The following ARHGAP15 variants were observed in gnomAD, a reference collection of about 807,000 sequenced individuals.
ARHGAP15 encodes rho GTPase-activating protein 15.
ARHGAP15 carries 51 observed loss-of-function variants against 63.7 expected under a neutral mutation model. The observed-to-expected ratio is 0.80, with a 90% CI of 0.64 to 1.01. The LOEUF (loss-of-function observed/expected upper bound fraction) is 1.01, where lower values mean the gene tolerates loss of function less well. ARHGAP15 is among the 50% of genes least tolerant of loss of function. The pLI is 0.00. For missense variants in ARHGAP15, 560 were observed against 564.6 expected (o/e 0.99, Z 0.08); for synonymous variants, 191 against 193.8 (o/e 0.99, Z 0.12).
intron 12 of ARHGAP15, among the ~76,000 whole-genome samples, chr2:143,703,142 C>G (rs1684165726): frequency 6.6e-6 from 1 of 152,154 alleles, no homozygotes. Context: ...GCCATTCTAT[C>G]TACATTCAAA....
At chr2:143,292,135 C>G (rs1366762739) in intron 6 of ARHGAP15, among the ~76,000 whole-genome samples, 1 of 151,894 alleles carries the variant, frequency 6.6e-6, no homozygotes, top group Non-Finnish European at 1.5e-5. Context: ...ACATCCTATT[C>G]TTATTTTAAA....
At chr2:143,620,060 T>C (rs565673270) in intron 11 of ARHGAP15, among the ~76,000 whole-genome samples, 1 of 152,316 alleles carries the variant, frequency 6.6e-6, no homozygotes, top group South Asian at 2.1e-4. Context: ...GTTGCCTTAG[T>C]CCCTTTTTTA....
intron 10 of ARHGAP15, among the ~76,000 whole-genome samples, chr2:143,541,502 G>C (rs993766302): frequency 6.6e-6 from 1 of 152,160 alleles, no homozygotes; most frequent in Admixed American, 6.5e-5. Flanking sequence ...CCCCATCTTT[G>C]TGGTTTTATC....
intron 11 of ARHGAP15, among the ~76,000 whole-genome samples, chr2:143,619,104 T>C (rs75006167): frequency 0.029 from 4,477 of 152,200 alleles, 94 homozygotes; most frequent in South Asian, 0.072. Flanking sequence ...TGAGTCACTA[T>C]ACATGGACAG....
chr2:143,599,412 T>C (rs1438022468), intron 11 of ARHGAP15, among the ~76,000 whole-genome samples: 2 of 152,104 alleles, frequency 1.3e-5, no homozygotes, highest in Non-Finnish European at 2.9e-5. Flanking sequence ...TAAGTTCCTA[T>C]TAATGCACAT....
intron 12 of ARHGAP15, among the ~76,000 whole-genome samples, chr2:143,661,853 T>A (rs951218943): frequency 5.9e-5 from 9 of 152,144 alleles, no homozygotes; most frequent in Admixed American, 2.0e-4. Flanking sequence ...AATATTACGC[T>A]TTTCGGACCG....
intron 6 of ARHGAP15, among the ~76,000 whole-genome samples, chr2:143,293,327 A>C (rs1000394643): frequency 1.3e-5 from 2 of 152,092 alleles, no homozygotes; most frequent in Non-Finnish European, 2.9e-5. Context: ...GTCCTCATAC[A>C]TGCCAGGTGT....
At chr2:143,443,125 C>G (rs1322429587) in intron 8 of ARHGAP15, among the ~76,000 whole-genome samples, 1 of 152,070 alleles carries the variant, frequency 6.6e-6, no homozygotes, top group African/African-American at 2.4e-5. Context: ...ATTGTTAAAA[C>G]ACATACTGTG....
At chr2:143,621,259 A>G (rs1698638272) in intron 11 of ARHGAP15, among the ~76,000 whole-genome samples, 1 of 152,118 alleles carries the variant, frequency 6.6e-6, no homozygotes, top group African/African-American at 2.4e-5. Flanking sequence ...GAGAAACTCT[A>G]CTCTATTAGA....
chr2:143,373,861 C>A (rs964737078), intron 6 of ARHGAP15, among the ~76,000 whole-genome samples: 2 of 152,012 alleles, frequency 1.3e-5, no homozygotes, highest in Admixed American at 6.6e-5. Context: ...TAATAAAGTT[C>A]TATGTCTCCT....
intron 6 of ARHGAP15, among the ~76,000 whole-genome samples, chr2:143,289,324 T>G (rs1224082882): frequency 6.6e-6 from 1 of 152,216 alleles, no homozygotes; most frequent in Admixed American, 6.5e-5. Flanking sequence ...TTTCTTACTG[T>G]GCAACAGTGC....
intron 6 of ARHGAP15, among the ~76,000 whole-genome samples, chr2:143,321,981 G>GT (rs1684045160): frequency 6.6e-6 from 1 of 152,170 alleles, no homozygotes; most frequent in Non-Finnish European, 1.5e-5. Context: ...GATAACCTCC[G>GT]TAAGTAGATA....
intron 8 of ARHGAP15, among the ~76,000 whole-genome samples, chr2:143,462,373 A>G (rs1452222563): frequency 6.6e-6 from 1 of 152,202 alleles, no homozygotes; most frequent in African/African-American, 2.4e-5. Flanking sequence ...AAATAAAACT[A>G]AAAGACTACA....
At chr2:143,484,386 G>C (rs1692222942) in intron 8 of ARHGAP15, among the ~76,000 whole-genome samples, 2 of 140,292 alleles carry the variant, frequency 1.4e-5, no homozygotes, top group African/African-American at 5.3e-5. Flanking sequence ...AAAAAAATTA[G>C]CCAGGCTTAG....
chr2:143,229,212 C>T (rs1007435943), intron 5 of ARHGAP15, among the ~76,000 whole-genome samples: 2 of 151,754 alleles, frequency 1.3e-5, no homozygotes, highest in Non-Finnish European at 2.9e-5. Flanking sequence ...ATAAATGGCA[C>T]CTTAATATAG....
intron 6 of ARHGAP15, among the ~76,000 whole-genome samples, chr2:143,320,127 G>A (rs990085141): frequency 6.6e-6 from 1 of 152,120 alleles, no homozygotes; most frequent in East Asian, 1.9e-4. Context: ...AGAGACAGAT[G>A]GACTCAATGA....
intron 9 of ARHGAP15, among the ~76,000 whole-genome samples, chr2:143,500,612 AG>A (rs1459602703): frequency 6.6e-6 from 1 of 152,212 alleles, no homozygotes; most frequent in Admixed American, 6.5e-5. Context: ...AATGTTTACA[AG>A]AAAATGTGTT....
chr2:143,452,998 C>T (rs1237308697), intron 8 of ARHGAP15, among the ~76,000 whole-genome samples: 7 of 151,828 alleles, frequency 4.6e-5, no homozygotes. Flanking sequence ...TTATGTCTCC[C>T]ATACCACGGA....
intron 11 of ARHGAP15, among the ~76,000 whole-genome samples, chr2:143,602,019 CT>C (rs973502593): frequency 1.3e-4 from 19 of 151,698 alleles, no homozygotes; most frequent in East Asian, 3.9e-4. Flanking sequence ...ATCAGCTAGT[CT>C]TTTTTTTGGC....
Sources: allele counts gnomAD v4.1 joint callset (sites outside exome capture counted in the v4.1 genomes callset), GRCh38; gene constraint gnomAD v4.1.1; transcripts MANE v1.5; gene names NCBI Gene and HGNC (gene_info 2026-07-23, HGNC 2026-07-21).